APOLD1: variants seen among roughly 807,000 people sequenced by gnomAD.
The protein encoded by APOLD1 is apolipoprotein L domain containing 1.
Under a neutral mutation model 15.3 loss-of-function variants are expected in APOLD1, and 22 were observed. That is an observed-to-expected ratio of 1.44 (90% confidence interval 1.03 to 2.05). The LOEUF is 2.05. APOLD1 is among the 30% of genes most tolerant of loss of function. The pLI, the probability that APOLD1 is intolerant of heterozygous loss-of-function variation, is 0.00. For synonymous variants in APOLD1, 190 were observed against 167.4 expected (o/e 1.13, Z -1.04); for missense variants, 394 against 353.5 (o/e 1.11, Z -0.92).
At chr12:12,743,648 T>C (rs1031181875) in intron 1 of APOLD1, among the ~76,000 whole-genome samples, 4 of 152,182 alleles carry the variant, frequency 2.6e-5, no homozygotes, top group Non-Finnish European at 5.9e-5. Flanking sequence ...ATTAATATGG[T>C]ATGTTATATG....
At chr12:12,782,185 G>A (rs549223696), upstream of APOLD1, among the ~76,000 whole-genome samples, 1 of 152,224 alleles carries the variant, frequency 6.6e-6, no homozygotes, top group African/African-American at 2.4e-5. Context: ...TTTGAACCTG[G>A]AAGGCGGAGG....
At chr12:12,773,575 G>A (rs1021822615) in intron 1 of APOLD1, among the ~76,000 whole-genome samples, 3 of 152,084 alleles carry the variant, frequency 2.0e-5, no homozygotes, top group African/African-American at 7.2e-5. Context: ...TAAATGAAAA[G>A]TAGGAGAAAA....
At chr12:12,786,299 T>C (rs1212733772) in intron 1 of APOLD1, among the ~76,000 whole-genome samples, 1 of 152,150 alleles carries the variant, frequency 6.6e-6, no homozygotes, top group Non-Finnish European at 1.5e-5. Flanking sequence ...CAAATCTCAT[T>C]TTAGGCTTGA....
upstream of APOLD1, among the ~76,000 whole-genome samples, chr12:12,784,315 C>T (rs187582563): frequency 2.1e-3 from 317 of 152,280 alleles, 1 homozygote; most frequent in Middle Eastern, 3.4e-3. Context: ...CCCCAATTCG[C>T]GCTGGCCCAC....
chr12:12,787,794 G>A lies in APOLD1; in HGVS notation c.*142G>A. The stretch of plus-strand genomic sequence containing the variant: ...AGAAAAACTGTTTTTGAAGTGGGCA[G>A]GTCCCCAAAGCCCTTCTTTTCCCAT... On this transcript the variant is annotated 3_prime_UTR_variant, in exon 2 of 2. Transcript: ENST00000356591. The surrounding 1 kb of genome is among the most constrained non-coding windows in gnomAD (Gnocchi z 4.9). 1 of 1,211,726 alleles carries A rather than the reference G, an allele frequency of 8.3e-7. No individual in the cohort carries two copies. The highest frequency in any genetic ancestry group is 1.1e-6 in the Non-Finnish European group (1 of 888,838). 75.1% of individuals were successfully genotyped at this position (1,211,726 alleles called of 1,614,324 possible).
chr12:12,786,837 G>A, intron 1 of APOLD1, 72 bp from the exon 2 acceptor site: 1 of 1,342,682 alleles, frequency 7.4e-7, no homozygotes. Context: ...TCCCGCTGGC[G>A]TCCGGGCAGC....
At chr12:12,742,715 G>A (rs1946737275) in intron 1 of APOLD1, among the ~76,000 whole-genome samples, 1 of 149,948 alleles carries the variant, frequency 6.7e-6, no homozygotes, top group African/African-American at 2.5e-5. Context: ...AGTGAGCTGA[G>A]ATCGCGCCAC....
upstream of APOLD1, among the ~76,000 whole-genome samples, chr12:12,782,984 T>C (rs1327436719): frequency 6.6e-6 from 1 of 152,144 alleles, no homozygotes; most frequent in African/African-American, 2.4e-5. Context: ...GGCAGGTGGA[T>C]CACCCGGGGT....
intron 1 of APOLD1, among the ~76,000 whole-genome samples, chr12:12,746,667 G>A (rs1946769382): frequency 6.6e-6 from 1 of 152,088 alleles, no homozygotes; most frequent in Non-Finnish European, 1.5e-5. Context: ...TATTCAGGGA[G>A]GTACATGCAC....
chr12:12,735,444 G>A (rs1394679818), intron 1 of APOLD1, among the ~76,000 whole-genome samples: 1 of 152,074 alleles, frequency 6.6e-6, no homozygotes, highest in Non-Finnish European at 1.5e-5. Flanking sequence ...GGAAAGGAAG[G>A]AGAGTGAGCC....
At position 12,769,979 on chromosome 12, in the gene APOLD1, A is replaced by G. The variant is rs149048509; in HGVS notation, c.97-16930A>G. Among the ~76,000 whole-genome samples the G allele has an allele frequency of 3.3e-3, 506 of 152,360 alleles. 5 individuals are homozygous for G. The highest frequency in any genetic ancestry group is 0.011 in the African/African-American group (477 of 41,586). On this transcript the variant is annotated intron_variant, in intron 1 of 1. Transcript: ENST00000326765. ...GGCTATCAAGAAAAAATTACAAAGTATACTAAAAGGCAAAAAAACATAGTT... is the reference window on the plus strand; with the variant it reads ...GGCTATCAAGAAAAAATTACAAAGTGTACTAAAAGGCAAAAAAACATAGTT...
chr12:12,772,332 A>C (rs1444256563), intron 1 of APOLD1, among the ~76,000 whole-genome samples: 1 of 152,248 alleles, frequency 6.6e-6, no homozygotes, highest in East Asian at 1.9e-4. Flanking sequence ...AAGCAGAATT[A>C]GCTATGCTTA....
rs1460148482 is a variant in APOLD1 at position 12,777,119 on chromosome 12, A to G, written c.97-9790A>G. On this transcript the variant is annotated intron_variant, in intron 1 of 1. Coordinates refer to the APOLD1 transcript ENST00000326765. ...TCCCTGACATAGCAATCCCATTGTA[A>G]TTTCCTAGTGTGAAACTTCTCCCTG... 2.0e-5 allele frequency among the ~76,000 whole-genome samples: 3 copies of G among 152,228 alleles called. No homozygotes were observed. The East Asian group carries it at 5.8e-4, about 29-fold the overall frequency.
chr12:12,756,535 C>A (rs1048723553), intron 1 of APOLD1, among the ~76,000 whole-genome samples: 2 of 152,118 alleles, frequency 1.3e-5, no homozygotes, highest in Non-Finnish European at 2.9e-5. Flanking sequence ...GTAAACATAA[C>A]ATAAATTTAT....
intron 1 of APOLD1, among the ~76,000 whole-genome samples, chr12:12,750,514 A>G (rs538987671): frequency 6.6e-6 from 1 of 152,160 alleles, no homozygotes; most frequent in South Asian, 2.1e-4. Flanking sequence ...ACTTATAAGG[A>G]GATGGATTTC....
In APOLD1 at chr12:12,748,649, G is replaced by GT. The variant is rs11339092; in HGVS notation, c.96+22564dup. Among the ~76,000 whole-genome samples the GT allele has an allele frequency of 2.2e-3, 325 of 149,272 alleles. 1 individual carries two copies. The highest frequency in any genetic ancestry group is 6.9e-3 in the Middle Eastern group (2 of 290). ...GCTATTTTGAAATATATAATTATGG[G>GT]TTTTTTTTTTTAGGCCTAAGGAATT... On this transcript the variant is annotated intron_variant, in intron 1 of 1. Coordinates refer to the APOLD1 transcript ENST00000326765.
chr12:12,784,781 T>C (rs1196485515), upstream of APOLD1, among the ~76,000 whole-genome samples: 1 of 152,238 alleles, frequency 6.6e-6, no homozygotes, highest in Admixed American at 6.5e-5. Flanking sequence ...GAGATATCTA[T>C]GTTCCATCTG....
At chr12:12,778,530 G>A (rs1198009410) in intron 1 of APOLD1, among the ~76,000 whole-genome samples, 1 of 149,192 alleles carries the variant, frequency 6.7e-6, no homozygotes, top group East Asian at 2.0e-4. Flanking sequence ...TTCTCACTGT[G>A]TTGCCCAGGC....
chr12:12,773,728 T>C (rs1242584107), intron 1 of APOLD1, among the ~76,000 whole-genome samples: 1 of 152,218 alleles, frequency 6.6e-6, no homozygotes, highest in Admixed American at 6.5e-5. Flanking sequence ...CAGTGTGGTA[T>C]TGGTGAAAGA....
Sources: gnomAD v4.1 joint callset for allele counts (sites outside exome capture counted in the v4.1 genomes callset) on GRCh38, gnomAD v4.1.1 for gene constraint, Gnocchi (gnomAD v3.1) non-coding constraint, MANE v1.5 for transcripts, NCBI Gene and HGNC (gene_info 2026-07-23, HGNC 2026-07-21) for gene names.